Variants in RNF151 observed in about 807,000 individuals in gnomAD.
RNF151 encodes the protein ring finger protein 151.
A neutral mutation model predicts 11.1 loss-of-function variants in RNF151; 9 were observed. That is an observed-to-expected ratio of 0.81 (90% CI 0.49 to 1.42). The LOEUF is 1.42. Ranked by LOEUF, RNF151 falls within the 40% of genes most tolerant of loss-of-function variation. The pLI is 0.00. For missense variants in RNF151, 372 were observed against 342.9 expected (o/e 1.08, Z -0.67); for synonymous variants, 172 against 140.7 (o/e 1.22, Z -1.58).
intron 1 of RNF151, 65 bp downstream of exon 1, chr16:1,966,949 T>C (rs2083316243): frequency 6.6e-7 from 1 of 1,518,342 alleles, no homozygotes; most frequent in Admixed American, 2.1e-5. Context: ...ACCTGCCCAG[T>C]TGTCCAGGGA....
Position 1,968,049 on chromosome 16 carries a change from T to C in RNF151, c.246+228T>C, listed in dbSNP as rs566994334. On this transcript the variant is annotated intron_variant, in intron 3 of 3. Coordinates refer to ENST00000569714, the MANE Select transcript of RNF151 (RefSeq NM_174903.6). ...AGCCCCTGGGTTAGAAAATGGAGAT[T>C]TTAGAGGACTTTTAAAATGGAGATT... 257 of 699,504 alleles carry C rather than the reference T, an allele frequency of 3.7e-4. 5 individuals carry two copies. The South Asian group carries it at 3.7e-3, about 10-fold the overall frequency. 43.3% of individuals were successfully genotyped at this position (699,504 alleles called of 1,614,324 possible). A position where few individuals can be genotyped will look rare whatever the true frequency, so the allele number is the denominator to read the frequency against.
At chr16:1,967,666 G>A (rs910529969) in intron 2 of RNF151, 59 bp from the exon 3 acceptor site, 2 of 1,393,568 alleles carry the variant, frequency 1.4e-6, no homozygotes, top group South Asian at 1.2e-5. Flanking sequence ...CCGAGTGAGG[G>A]CTTGACCAGG....
At chr16:1,967,547 T>C in intron 2 of RNF151, 128 bp downstream of exon 2, 1 of 987,326 alleles carries the variant, frequency 1.0e-6, no homozygotes, top group South Asian at 1.5e-5. Flanking sequence ...AAAATGTGTG[T>C]ACCCTCACTC....
At position 1,968,831 on chromosome 16, in the gene RNF151, A is replaced by G. The variant is rs1490014826; in HGVS notation, c.644A>G (p.Glu215Gly). The G allele has an allele frequency of 3.8e-6, 6 of 1,594,296 alleles. No homozygotes were observed. The highest frequency in any genetic ancestry group is 5.1e-6 in the Non-Finnish European group (6 of 1,171,226). Residue 215 changes from glutamate (E) to glycine (G), a missense_variant, in exon 4 of 4, where the codon GAG (glutamate) becomes GGG (glycine). Coordinates refer to ENST00000569714, the MANE Select transcript of RNF151 (RefSeq NM_174903.6). ...CTGGAGGAAGACACCGCTCTGCTGG[A>G]GGGTGCCCCACAGGAGGAGGCCGAG... ...NFLEEDTALL[E>G]GAPQEEAEAA...
Position 1,967,362 on chromosome 16 carries a change from C to T in RNF151, c.92C>T (p.Ala31Val), listed in dbSNP as rs1440271955. The stretch of plus-strand genomic sequence containing the variant: ...TGCCATGGGGTTCTCAAGAGGCCAG[C>T]AAGGTTGCCATGCAGCCACATCTTC... ...SVCHGVLKRP[A>V]RLPCSHIFCK... The change falls in exon 2 of 4, where the codon GCA becomes GTA. Residue 31 changes from alanine (A) to valine (V), a missense_variant. By Grantham distance (64) the Ala-to-Val change is moderately conservative. Coordinates refer to ENST00000569714, the MANE Select transcript of RNF151 (RefSeq NM_174903.6). 1 of 1,613,736 alleles carries T rather than the reference C, an allele frequency of 6.2e-7. No individual in the cohort carries two copies. Among genetic ancestry groups the T allele is most frequent in the Non-Finnish European group, 8.5e-7 (1 of 1,179,854 alleles).
At chr16:1,966,927 C>T in intron 1 of RNF151, 43 bp downstream of exon 1, 1 of 1,548,734 alleles carries the variant, frequency 6.5e-7, no homozygotes. Context: ...AGATGTGTGC[C>T]CAACTCCAGA....
At position 1,968,643 on chromosome 16, in the gene RNF151, G is replaced by T. The variant is rs374548754; in HGVS notation, c.456G>T (p.Pro152=). The T allele has an allele frequency of 1.1e-5, 18 of 1,566,334 alleles. No individual in the cohort carries two copies. In the East Asian group the frequency reaches 3.1e-4, roughly 27 times the overall value. ...TGGGCTGCGGGGCCACCCTGGACCC[G>T]GCCGAGCGTGCTCGCCACAACTGCT... ...CPLGCGATLD[P]AERARHNCYR... is the part of the protein sequence containing the mutation. Residue 152 remains proline (P), a synonymous_variant, in exon 4 of 4, where the codon CCG becomes CCT. Coordinates refer to ENST00000569714, the MANE Select transcript of RNF151 (RefSeq NM_174903.6).
At position 1,967,713 on chromosome 16, in the gene RNF151, G is replaced by C. The variant is rs1054746623; in HGVS notation, c.150-12G>C. The C allele has an allele frequency of 1.2e-6, 2 of 1,600,026 alleles. No individual in the cohort carries two copies. The highest frequency in any genetic ancestry group is 4.5e-5 in the East Asian group (2 of 44,582). On this transcript the variant is annotated splice_polypyrimidine_tract_variant and intron_variant, in intron 2 of 3. Transcript: ENST00000569714. ...ACTCCCAACACTCACCCCTACTCAT[G>C]CCTCCTTCCAGACAAAAGACCTGTC...
In RNF151 at chr16:1,967,334, G is replaced by A. The variant is rs139187014; in HGVS notation, c.64G>A (p.Val22Ile). ...SPPDSNFVCS[V>I]CHGVLKRPAR... Reference sequence around the variant, plus strand: ...TCCTGACAGCAACTTCGTGTGCTCCGTCTGCCATGGGGTTCTCAAGAGGCC... The same window carrying A: ...TCCTGACAGCAACTTCGTGTGCTCCATCTGCCATGGGGTTCTCAAGAGGCC... The change falls in exon 2 of 4, where the codon GTC (valine) becomes ATC (isoleucine). Residue 22 changes from valine to isoleucine, a missense_variant. Transcript: ENST00000569714. 3.6e-4 allele frequency: 575 copies of A among 1,613,608 alleles called. No homozygotes were observed. The East Asian group carries it at 4.9e-3, about 14-fold the overall frequency.
intron 1 of RNF151, 103 bp downstream of exon 1, chr16:1,966,987 G>T: frequency 1.5e-6 from 2 of 1,353,710 alleles, no homozygotes; most frequent in South Asian, 2.9e-5. Flanking sequence ...GGAAAGGGTG[G>T]GCAATGGGTT....
Position 1,967,779 on chromosome 16 carries a change from C to T in RNF151, c.204C>T (p.His68=). 6.2e-7 allele frequency: 1 copy of T among 1,611,998 alleles called. No homozygotes were observed. Among genetic ancestry groups the T allele is most frequent in the Non-Finnish European group, 8.5e-7 (1 of 1,179,118 alleles). ...AGGTGAAAAGGAAAAAGGTTGTCCA[C>T]ATGAATAAACTCCGGAAAACCATTG... ...RKEVKRKKVV[H]MNKLRKTIGR... The change falls in exon 3 of 4, where the codon CAC becomes CAT. Residue 68 remains histidine (H), a synonymous_variant. Coordinates refer to ENST00000569714, the MANE Select transcript of RNF151 (RefSeq NM_174903.6).
chr16:1,968,777 G>A lies in RNF151; in HGVS notation c.590G>A (p.Arg197His), dbSNP rs376750121. Residue 197 changes from arginine (R) to histidine (H), a missense_variant, in exon 4 of 4, where the codon CGT becomes CAT. By Grantham distance (29) the Arg-to-His change is conservative. Coordinates refer to ENST00000569714, the MANE Select transcript of RNF151 (RefSeq NM_174903.6). ...CTGGACCAAGCCACCAGTGTCGTTCGTAGAGAGCTGGCGGAGCTCAGCAAC... is the reference window on the plus strand; with the variant it reads ...CTGGACCAAGCCACCAGTGTCGTTCATAGAGAGCTGGCGGAGCTCAGCAAC... ...RWLDQATSVVRRELAELSNFL... is the reference protein window; with the variant it reads ...RWLDQATSVVHRELAELSNFL... The A allele has an allele frequency of 5.7e-5, 91 of 1,588,864 alleles. No homozygotes were observed. The highest frequency in any genetic ancestry group is 1.7e-4 in the Middle Eastern group (1 of 6,054).
chr16:1,967,004 C>A (rs769028666), intron 1 of RNF151, 120 bp downstream of exon 1: 7 of 1,225,258 alleles, frequency 5.7e-6, no homozygotes, highest in African/African-American at 1.5e-5. Context: ...GGTTGCAGAC[C>A]CCCATATGGT....
At position 1,968,442 on chromosome 16, in the gene RNF151, C is replaced by A. The variant is rs546461412; in HGVS notation, c.255C>A (p.Asn85Lys). 1 of 1,555,350 alleles carries A rather than the reference C, an allele frequency of 6.4e-7. No homozygotes were observed. The highest frequency in any genetic ancestry group is 8.7e-7 in the Non-Finnish European group (1 of 1,145,672). ...TTCTCCTTCACCCTCAGTGCAAGAA[C>A]GCCGACGCTGGCTGCATAGTGACAT... The part of the protein sequence containing the change: ...TIGRLEVKCK[N>K]ADAGCIVTCP... The change falls in exon 4 of 4, where the codon AAC becomes AAA. Residue 85 changes from asparagine (N) to lysine (K), a missense_variant. Coordinates refer to ENST00000569714, the MANE Select transcript of RNF151 (RefSeq NM_174903.6).
rs1301662505 is a variant in RNF151, at chr16:1,968,857, G to A, written c.670G>A (p.Ala224Thr). Residue 224 changes from alanine (A) to threonine (T), a missense_variant, in exon 4 of 4, where the codon GCT becomes ACT. By Grantham distance (58) the Ala-to-Thr change is moderately conservative. Transcript: ENST00000569714. Reference protein sequence around the residue: ...LEGAPQEEAEAAPEGNVGAEV... With the variant: ...LEGAPQEEAETAPEGNVGAEV... ...GGGTGCCCCACAGGAGGAGGCCGAG[G>A]CTGCCCCAGAAGGCAACGTTGGGGC... The A allele has an allele frequency of 1.9e-6, 3 of 1,597,766 alleles. No individual in the cohort carries two copies. Among genetic ancestry groups the A allele is most frequent in the Admixed American group, 1.7e-5 (1 of 57,854 alleles).
rs747507428 is a variant in RNF151 at position 1,967,388 on chromosome 16, T to G, written c.118T>G (p.Cys40Gly). 1.2e-6 allele frequency: 2 copies of G among 1,613,658 alleles called. No homozygotes were observed. Among genetic ancestry groups the G allele is most frequent in the South Asian group, 1.1e-5 (1 of 91,078 alleles). Residue 40 changes from cysteine to glycine, a missense_variant, in exon 2 of 4, where the codon TGC becomes GGC. Transcript: ENST00000569714. ...AAGGTTGCCATGCAGCCACATCTTC[T>G]GCAAAAAGTGCATCCTCCGGTGGCT... ...PARLPCSHIF[C>G]KKCILRWLAR...
chr16:1,968,721 G>T lies in RNF151; in HGVS notation c.534G>T (p.Leu178=). 3 of 1,569,008 alleles carry T rather than the reference G, an allele frequency of 1.9e-6. No homozygotes were observed. Among genetic ancestry groups the T allele is most frequent in the Non-Finnish European group, 2.6e-6 (3 of 1,157,930 alleles). Residue 178 remains leucine (L), a synonymous_variant, in exon 4 of 4, where the codon CTG becomes CTT. Coordinates refer to ENST00000569714, the MANE Select transcript of RNF151 (RefSeq NM_174903.6). ...WSVRQERRRP[L]LLSLLRRVRW... The stretch of plus-strand genomic sequence containing the variant: ...TGCGCCAGGAGCGCCGTCGGCCCCT[G>T]CTGCTGTCCCTCCTGCGGCGTGTGC...
chr16:1,968,767 A>G lies in RNF151; in HGVS notation c.580A>G (p.Ser194Gly), dbSNP rs747209033. The G allele has an allele frequency of 1.3e-6, 2 of 1,586,200 alleles. No individual in the cohort carries two copies. Among genetic ancestry groups the G allele is most frequent in the African/African-American group, 1.3e-5 (1 of 74,368 alleles). ...TGTGCGCTGGCTGGACCAAGCCACC[A>G]GTGTCGTTCGTAGAGAGCTGGCGGA... ...RRVRWLDQATSVVRRELAELS... is the reference protein window; with the variant it reads ...RRVRWLDQATGVVRRELAELS... Residue 194 changes from serine to glycine, a missense_variant, in exon 4 of 4, where the codon AGT (serine) becomes GGT (glycine). Ser to Gly is a moderately conservative substitution (Grantham distance 56). Coordinates refer to ENST00000569714, the MANE Select transcript of RNF151 (RefSeq NM_174903.6).
chr16:1,968,403 G>C (rs754236183), intron 3 of RNF151, 31 bp from the exon 4 acceptor site: 8 of 1,496,846 alleles, frequency 5.3e-6, no homozygotes, highest in Non-Finnish European at 7.1e-6. Context: ...TGTCCTGCCC[G>C]GTTTCTTCAC....
Sources: allele counts gnomAD v4.1 joint callset, GRCh38; gene constraint gnomAD v4.1.1; transcripts MANE v1.5; gene names NCBI Gene and HGNC (gene_info 2026-07-23, HGNC 2026-07-21).